UBA3: variants seen among roughly 807,000 people sequenced by gnomAD.
UBA3 encodes NEDD8-activating enzyme E1 catalytic subunit.
Under a neutral mutation model 73.5 loss-of-function variants are expected in UBA3, and 26 were observed. The observed-to-expected ratio is 0.35, with a 90% CI of 0.26 to 0.49. UBA3 has a LOEUF of 0.49. UBA3 is among the 20% of genes least tolerant of loss of function. The probability of loss-of-function intolerance (pLI) is 0.98; values close to 1 mark genes in which losing one functional copy is unlikely to be tolerated. For missense variants in UBA3, 495 were observed against 555.6 expected (o/e 0.89, Z 1.10); for synonymous variants, 217 against 191.2 (o/e 1.13, Z -1.11).
intron 10 of UBA3, 61 bp from the exon 11 acceptor site, chr3:69,061,988 A>C: frequency 1.4e-6 from 2 of 1,457,336 alleles, no homozygotes; most frequent in East Asian, 4.6e-5. Flanking sequence ...TAATCACAAA[A>C]CAATGTTTTT....
intron 11 of UBA3, among the ~76,000 whole-genome samples, chr3:69,060,939 C>A (rs2092016170): frequency 6.6e-6 from 1 of 152,328 alleles, no homozygotes; most frequent in Middle Eastern, 3.4e-3. Context: ...CAAGCAGATG[C>A]TTTTGCCATG....
chr3:69,065,183 T>C (rs2092058538), intron 6 of UBA3, among the ~76,000 whole-genome samples: 1 of 151,970 alleles, frequency 6.6e-6, no homozygotes, highest in Non-Finnish European at 1.5e-5. Context: ...ATACCCAAAG[T>C]TTCCCAGACC....
rs2091967329 is a variant in UBA3 at position 69,055,757 on chromosome 3, G to C, written c.1303+94C>G. 35 of 1,203,842 alleles carry C rather than the reference G, an allele frequency of 2.9e-5. No homozygotes were observed. The South Asian group carries it at 3.6e-4, about 12-fold the overall frequency. 74.6% of individuals were successfully genotyped at this position (1,203,842 alleles called of 1,614,324 possible). On this transcript the variant is annotated intron_variant, in intron 17 of 17. Coordinates refer to ENST00000361055, the MANE Select transcript of UBA3 (RefSeq NM_003968.4). ...TAATTATTACCTGACCATATACAAG[G>C]CATTAAGAGGAAATCTAGAACAAGC...
chr3:69,077,305 TAA>T (rs953745314), intron 3 of UBA3: 1 of 151,712 alleles, frequency 6.6e-6, no homozygotes, highest in East Asian at 1.9e-4. Context: ...TACCCTGTAA[TAA>T]AAAAAAGTGA....
chr3:69,071,189 C>G, intron 5 of UBA3: 2 of 191,436 alleles, frequency 1.0e-5, no homozygotes, highest in Non-Finnish European at 2.1e-5. Context: ...GCCTAATACT[C>G]CAGCGAGTAT....
intron 5 of UBA3, among the ~76,000 whole-genome samples, chr3:69,069,542 G>A (rs750121445): frequency 6.6e-6 from 1 of 152,048 alleles, no homozygotes; most frequent in Admixed American, 6.6e-5. Flanking sequence ...GGCCGGGCTG[G>A]TCTCGAACTT....
chr3:69,075,886 C>T (rs2092162267), intron 3 of UBA3, among the ~76,000 whole-genome samples: 1 of 152,070 alleles, frequency 6.6e-6, no homozygotes, highest in Admixed American at 6.5e-5. Context: ...TGTGCACTAC[C>T]ACACCTGGCT....
At position 69,067,944 on chromosome 3, in the gene UBA3, T is replaced by C. The variant is rs1295096777; in HGVS notation, c.412A>G (p.Asn138Asp). 3 of 1,605,912 alleles carry C rather than the reference T, an allele frequency of 1.9e-6. No homozygotes were observed. The highest frequency in any genetic ancestry group is 2.6e-6 in the Non-Finnish European group (3 of 1,175,084). The change falls in exon 6 of 18, where the codon AAT becomes GAT. Residue 138 changes from asparagine to aspartate, a missense_variant. Physicochemically the swap from Asn to Asp is conservative, Grantham distance 23 (BLOSUM62 1). Coordinates refer to ENST00000361055, the MANE Select transcript of UBA3 (RefSeq NM_003968.4). ...AAAGGATACGGAACTACATTGCAAT[T>C]AGGAACTCTGTCATTTAGAAATTCT... is the stretch of plus-strand genomic sequence containing the variant. ...AAEFLNDRVP[N>D]CNVVPHFNKI...
At chr3:69,059,640 T>A (rs1382111241) in intron 11 of UBA3, among the ~76,000 whole-genome samples, 2 of 152,068 alleles carry the variant, frequency 1.3e-5, no homozygotes, top group Non-Finnish European at 2.9e-5. Flanking sequence ...ACAAAGCAGG[T>A]CCGTGTAGGG....
rs749094335 is a variant in UBA3 at position 69,063,061 on chromosome 3, C to G, written c.614G>C (p.Gly205Ala). 9 of 1,614,080 alleles carry G rather than the reference C, an allele frequency of 5.6e-6. No individual in the cohort carries two copies. Among genetic ancestry groups the G allele is most frequent in the Middle Eastern group, 1.6e-4 (1 of 6,062 alleles). Reference sequence around the variant, plus strand: ...AATCACCCGGGCATTTCCTTTAAAACCTTCTGTCCCCCCATCTATCAAAGG... The same window carrying G: ...AATCACCCGGGCATTTCCTTTAAAAGCTTCTGTCCCCCCATCTATCAAAGG... Reference protein sequence around the residue: ...IVPLIDGGTEGFKGNARVILP... With the variant: ...IVPLIDGGTEAFKGNARVILP... The change falls in exon 9 of 18, where the codon GGT (glycine) becomes GCT (alanine). Residue 205 changes from glycine to alanine, a missense_variant. Gly to Ala is a moderately conservative substitution (Grantham distance 60). Transcript: ENST00000361055.
intron 2 of UBA3, 81 bp from the exon 3 acceptor site, chr3:69,077,999 G>T: frequency 1.3e-6 from 2 of 1,521,936 alleles, no homozygotes; most frequent in South Asian, 1.2e-5. Flanking sequence ...ATCCCCAAAT[G>T]AAAAGGTAAC....
intron 11 of UBA3, among the ~76,000 whole-genome samples, chr3:69,058,249 G>C (rs1017079009): frequency 2.6e-5 from 4 of 152,066 alleles, no homozygotes; most frequent in Admixed American, 6.6e-5. Flanking sequence ...AATAAACAAA[G>C]CCTCACCTTA....
Position 69,064,008 on chromosome 3 carries a change from A to G in UBA3, c.472+60T>C, listed in dbSNP as rs1478356320. ...TTGAAATAGCTAGCAATATTTGAAT[A>G]GCTACCAACTAAAAAATTCTAAGAA... On this transcript the variant is annotated intron_variant, in intron 7 of 17. Coordinates refer to ENST00000361055, the MANE Select transcript of UBA3 (RefSeq NM_003968.4). 8.6e-6 allele frequency: 12 copies of G among 1,396,550 alleles called. No individual in the cohort carries two copies. The Middle Eastern group carries it at 5.3e-4, about 62-fold the overall frequency. 86.5% of individuals were successfully genotyped at this position (1,396,550 alleles called of 1,614,324 possible). A position where few individuals can be genotyped will look rare whatever the true frequency, so the allele number is the denominator to read the frequency against.
intron 11 of UBA3, among the ~76,000 whole-genome samples, chr3:69,060,881 C>G (rs938272732): frequency 6.6e-6 from 1 of 152,214 alleles, no homozygotes; most frequent in Non-Finnish European, 1.5e-5. Context: ...GCCTTGCCAT[C>G]CCCCTTAGCT....
chr3:69,076,055 TA>T (rs2092163980), intron 3 of UBA3, among the ~76,000 whole-genome samples: 1 of 152,182 alleles, frequency 6.6e-6, no homozygotes, highest in Admixed American at 6.5e-5. Flanking sequence ...AATTGCCTTT[TA>T]TTGTATGAAA....
At position 69,080,339 on chromosome 3, in the gene UBA3, C is replaced by G. The variant is rs1331732729; in HGVS notation, c.15G>C (p.Glu5Asp). 1.3e-6 allele frequency: 2 copies of G among 1,598,614 alleles called. No homozygotes were observed. Among genetic ancestry groups the G allele is most frequent in the Non-Finnish European group, 1.7e-6 (2 of 1,174,784 alleles). The change falls in exon 1 of 18, where the codon GAG (glutamate) becomes GAC (aspartate). Residue 5 changes from glutamate (E) to aspartate (D), a missense_variant. Coordinates refer to ENST00000361055, the MANE Select transcript of UBA3 (RefSeq NM_003968.4). MADG[E>D]EPEKKRRRIE... ...TGCAGAGCCCCGGTACTTACGGCTC[C>G]TCGCCATCCGCCATATTGTTCTCCG... is the stretch of plus-strand genomic sequence containing the variant.
At chr3:69,079,493 G>A (rs951199311) in intron 2 of UBA3, among the ~76,000 whole-genome samples, 2 of 152,168 alleles carry the variant, frequency 1.3e-5, no homozygotes, top group African/African-American at 4.8e-5. Context: ...GCGCTGGCCA[G>A]GTTAGAAAAC....
At chr3:69,073,744 T>C (rs1248682425) in intron 4 of UBA3, among the ~76,000 whole-genome samples, 1 of 151,092 alleles carries the variant, frequency 6.6e-6, no homozygotes, top group Non-Finnish European at 1.5e-5. Flanking sequence ...CACGCCACTC[T>C]CTCGCCTCAG....
At chr3:69,066,238 C>A (rs2092070433) in intron 6 of UBA3, among the ~76,000 whole-genome samples, 1 of 152,046 alleles carries the variant, frequency 6.6e-6, no homozygotes, top group Non-Finnish European at 1.5e-5. Flanking sequence ...ATGACCACAG[C>A]CTACTATAGC....
Sources: gnomAD v4.1 joint callset for allele counts (sites outside exome capture counted in the v4.1 genomes callset) on GRCh38, gnomAD v4.1.1 for gene constraint, MANE v1.5 for transcripts, NCBI Gene and HGNC (gene_info 2026-07-23, HGNC 2026-07-21) for gene names.